WWOX: variants seen among roughly 807,000 people sequenced by gnomAD.
WWOX encodes the protein WW domain containing oxidoreductase, also known as WW domain-containing oxidoreductase.
A neutral mutation model predicts 46.2 loss-of-function variants in WWOX; 69 were observed. That is an observed-to-expected ratio of 1.49 (90% CI 1.23 to 1.82). WWOX has a LOEUF of 1.82. Ranked by LOEUF, WWOX falls within the 40% of genes most tolerant of loss-of-function variation. The probability of loss-of-function intolerance (pLI) is 0.00; values close to 1 mark genes in which losing one functional copy is unlikely to be tolerated. For missense variants in WWOX, 919 were observed against 542.6 expected (o/e 1.69, Z -6.89); for synonymous variants, 359 against 202.6 (o/e 1.77, Z -6.56).
chr16:79,174,158 G>A (rs540530959), intron 8 of WWOX, among the ~76,000 whole-genome samples: 1 of 152,254 alleles, frequency 6.6e-6, no homozygotes, highest in African/African-American at 2.4e-5. Context: ...GACGATACCG[G>A]GACACGTATT....
intron 8 of WWOX, among the ~76,000 whole-genome samples, chr16:79,070,634 C>G (rs900284363): frequency 6.6e-6 from 1 of 152,108 alleles, no homozygotes; most frequent in Admixed American, 6.5e-5. Flanking sequence ...GGAAGAGGCA[C>G]AGAAGTTCAG....
intron 8 of WWOX, among the ~76,000 whole-genome samples, chr16:78,690,048 A>G (rs889054175): frequency 1.3e-5 from 2 of 151,914 alleles, no homozygotes; most frequent in African/African-American, 2.4e-5. Context: ...TTTAGTAGAG[A>G]TGCGGTTTCA....
chr16:78,957,228 C>T lies in WWOX; in HGVS notation c.1057-254380C>T, dbSNP rs1018110536. Among the ~76,000 whole-genome samples the T allele has an allele frequency of 4.6e-5, 7 of 152,248 alleles. No homozygotes were observed. The South Asian group carries it at 8.3e-4, about 18-fold the overall frequency. ...ACACGACTTTTCCAGCAAACCACAC[C>T]GCCGTCCTTTTGTGTGACGAAATAA... On this transcript the variant is annotated intron_variant, in intron 8 of 8. Coordinates refer to ENST00000566780, the MANE Select transcript of WWOX (RefSeq NM_016373.4).
At chr16:78,865,602 G>A (rs1027645591) in intron 8 of WWOX, among the ~76,000 whole-genome samples, 1 of 152,170 alleles carries the variant, frequency 6.6e-6, no homozygotes, top group African/African-American at 2.4e-5. Context: ...GGCCGGCCAG[G>A]TGCAGTGTGG....
chr16:78,385,419 T>C (rs938629411), intron 5 of WWOX, among the ~76,000 whole-genome samples: 6 of 152,218 alleles, frequency 3.9e-5, no homozygotes, highest in African/African-American at 1.4e-4. Flanking sequence ...TAGGAACTTA[T>C]GAACATGTAT....
At chr16:78,886,111 G>C (rs1046084738) in intron 8 of WWOX, among the ~76,000 whole-genome samples, 1 of 151,768 alleles carries the variant, frequency 6.6e-6, no homozygotes, top group Non-Finnish European at 1.5e-5. Context: ...ATTTAGTAGA[G>C]ACGGGGTGTC....
At chr16:78,695,922 G>A (rs773440886) in intron 8 of WWOX, among the ~76,000 whole-genome samples, 121 of 152,250 alleles carry the variant, frequency 7.9e-4, no homozygotes, top group Admixed American at 2.5e-3. Context: ...TCCCTGGACC[G>A]GCAGCATCAC....
intron 8 of WWOX, among the ~76,000 whole-genome samples, chr16:78,631,013 A>G (rs771713925): frequency 2.0e-5 from 3 of 152,222 alleles, no homozygotes; most frequent in Non-Finnish European, 4.4e-5. Context: ...ACAATCCAAC[A>G]TAACCACTAT....
intron 8 of WWOX, among the ~76,000 whole-genome samples, chr16:78,793,814 G>T (rs372608031): frequency 6.6e-6 from 1 of 152,010 alleles, no homozygotes; most frequent in African/African-American, 2.4e-5. Flanking sequence ...GGTGGCTCAC[G>T]TCTGTAATCC....
chr16:78,654,915 G>A lies in WWOX; in HGVS notation c.1056+222163G>A, dbSNP rs1278782937. On this transcript the variant is annotated intron_variant, in intron 8 of 8. Coordinates refer to ENST00000566780, the MANE Select transcript of WWOX (RefSeq NM_016373.4). ...TGCATATGTGTATGTGTGTGCATGA[G>A]TATCTTGATAATTTAGAAAGATTAA... 2.0e-5 allele frequency among the ~76,000 whole-genome samples: 3 copies of A among 152,004 alleles called. No individual in the cohort carries two copies. The East Asian group carries it at 5.8e-4, about 29-fold the overall frequency.
intron 8 of WWOX, among the ~76,000 whole-genome samples, chr16:78,600,358 G>T (rs1281695873): frequency 6.6e-6 from 1 of 152,074 alleles, no homozygotes; most frequent in Non-Finnish European, 1.5e-5. Context: ...CTGGAGGGGG[G>T]GCCCCAGATG....
At chr16:78,856,062 A>T (rs901859809) in intron 8 of WWOX, among the ~76,000 whole-genome samples, 1 of 152,246 alleles carries the variant, frequency 6.6e-6, no homozygotes, top group Non-Finnish European at 1.5e-5. Flanking sequence ...TTTCCTTCAG[A>T]CAGGGGAAGA....
At chr16:78,233,619 C>A (rs1349442908) in intron 5 of WWOX, among the ~76,000 whole-genome samples, 1 of 151,024 alleles carries the variant, frequency 6.6e-6, no homozygotes, top group Non-Finnish European at 1.5e-5. Flanking sequence ...CTCCGCCTCC[C>A]GGGTTCATGC....
intron 5 of WWOX, among the ~76,000 whole-genome samples, chr16:78,184,821 C>T (rs1187005015): frequency 6.6e-6 from 1 of 152,160 alleles, no homozygotes; most frequent in Non-Finnish European, 1.5e-5. Flanking sequence ...GTCACATGTA[C>T]AGGATCAACA....
At chr16:78,900,281 T>C (rs545546194) in intron 8 of WWOX, among the ~76,000 whole-genome samples, 1 of 152,266 alleles carries the variant, frequency 6.6e-6, no homozygotes, top group South Asian at 2.1e-4. Context: ...GGGGAAAGTT[T>C]CCAGCCTGGT....
At chr16:79,181,521 A>G (rs1245263274) in intron 8 of WWOX, among the ~76,000 whole-genome samples, 1 of 152,028 alleles carries the variant, frequency 6.6e-6, no homozygotes, top group Admixed American at 6.5e-5. Context: ...CACTATGCAG[A>G]ACGATTTCCT....
At chr16:78,406,256 G>T (rs116293571) in intron 6 of WWOX, among the ~76,000 whole-genome samples, 1 of 138,176 alleles carries the variant, frequency 7.2e-6, no homozygotes, top group Admixed American at 7.7e-5. Flanking sequence ...AATTGATTTT[G>T]TGAGGATGAT....
intron 8 of WWOX, among the ~76,000 whole-genome samples, chr16:78,591,303 C>T (rs1191404606): frequency 6.6e-6 from 1 of 152,176 alleles, no homozygotes; most frequent in East Asian, 1.9e-4. Context: ...CTGACATCTC[C>T]TTGACCAGAA....
At chr16:78,923,788 T>C (rs895546053) in intron 8 of WWOX, among the ~76,000 whole-genome samples, 2 of 114,264 alleles carry the variant, frequency 1.8e-5, no homozygotes, top group African/African-American at 5.4e-5. Flanking sequence ...GAACTGTTTT[T>C]AGTTAGTTTT....
Sources: gnomAD v4.1 joint callset for allele counts (sites outside exome capture counted in the v4.1 genomes callset) on GRCh38, gnomAD v4.1.1 for gene constraint, MANE v1.5 for transcripts, NCBI Gene and HGNC (gene_info 2026-07-23, HGNC 2026-07-21) for gene names.